The following CEP128 variants were observed in gnomAD, a reference collection of about 807,000 sequenced individuals.
CEP128 encodes centrosomal protein 128kDa.
In CEP128, 132 loss-of-function variants were observed where a neutral mutation model predicts 156.7. The observed-to-expected ratio is 0.84, with a 90% confidence interval of 0.73 to 0.97. The LOEUF is 0.97. Among genes scored for constraint, CEP128 ranks in the 50% least tolerant of loss-of-function variants. CEP128 has a pLI of 0.00. For synonymous variants in CEP128, 469 were observed against 448.9 expected, an observed-to-expected ratio of 1.04 and a Z score of -0.57; for missense variants, 1,252 against 1,281.9, an observed-to-expected ratio of 0.98 and a Z score of 0.36.
chr14:80,638,365 T>C (rs1894275090), intron 19 of CEP128, among the ~76,000 whole-genome samples: 1 of 152,212 alleles, frequency 6.6e-6, no homozygotes, highest in Non-Finnish European at 1.5e-5. Context: ...TATATTTTTC[T>C]TATTATCCCA....
chr14:80,894,901 T>C (rs1275525406), intron 8 of CEP128, among the ~76,000 whole-genome samples: 1 of 151,590 alleles, frequency 6.6e-6, no homozygotes, highest in Non-Finnish European at 1.5e-5. Flanking sequence ...AATTAACAAC[T>C]GGAGAAAAAT....
intron 2 of CEP128, among the ~76,000 whole-genome samples, chr14:80,924,067 A>G (rs1333445229): frequency 1.3e-5 from 2 of 152,204 alleles, no homozygotes; most frequent in African/African-American, 2.4e-5. Context: ...CGGAACTGTG[A>G]GTCAATTAAA....
At chr14:80,853,820 A>C (rs1365010880) in intron 9 of CEP128, among the ~76,000 whole-genome samples, 1 of 152,056 alleles carries the variant, frequency 6.6e-6, no homozygotes, top group Non-Finnish European at 1.5e-5. Flanking sequence ...GGCAAAGCAT[A>C]TAGAGGTCAG....
At chr14:80,565,440 A>G (rs1890872971) in intron 20 of CEP128, among the ~76,000 whole-genome samples, 4 of 152,256 alleles carry the variant, frequency 2.6e-5, no homozygotes, top group South Asian at 4.1e-4. Flanking sequence ...GGGGAGACTG[A>G]TTTGAGTAAT....
chr14:80,862,653 T>C (rs1388034751), intron 9 of CEP128, 104 bp downstream of exon 9: 3 of 771,178 alleles, frequency 3.9e-6, no homozygotes, highest in Non-Finnish European at 6.7e-6. Flanking sequence ...TTAATACTTC[T>C]CAGATGGGTT....
intron 14 of CEP128, among the ~76,000 whole-genome samples, chr14:80,483,645 A>G (rs568804348): frequency 3.3e-5 from 5 of 152,340 alleles, no homozygotes; most frequent in Admixed American, 3.3e-4. Context: ...GTAAGGAAAG[A>G]TGGTTGAGAG....
chr14:80,856,909 G>A (rs1376423493), intron 9 of CEP128, among the ~76,000 whole-genome samples: 2 of 150,476 alleles, frequency 1.3e-5, no homozygotes, highest in Non-Finnish European at 3.0e-5. Context: ...TGTTGCTGTT[G>A]TTTGTTTTTT....
At chr14:80,550,475 C>A in intron 21 of CEP128, among the ~76,000 whole-genome samples, 1 of 152,114 alleles carries the variant, frequency 6.6e-6, no homozygotes, top group Middle Eastern at 3.5e-3. Context: ...ATAAACTTAT[C>A]CAGTAAACTT....
intron 2 of CEP128, among the ~76,000 whole-genome samples, chr14:80,926,177 A>G (rs924053453): frequency 7.9e-5 from 12 of 152,172 alleles, no homozygotes; most frequent in African/African-American, 2.4e-4. Flanking sequence ...CCACAGGCAC[A>G]GGACCTGGGT....
At chr14:80,681,204 G>C (rs1896311134) in intron 19 of CEP128, among the ~76,000 whole-genome samples, 1 of 151,838 alleles carries the variant, frequency 6.6e-6, no homozygotes, top group Admixed American at 6.6e-5. Context: ...AAGGGAAAAG[G>C]TAAAAAGAAA....
intron 23 of CEP128, among the ~76,000 whole-genome samples, chr14:80,525,725 C>T (rs1383646433): frequency 6.6e-6 from 1 of 152,088 alleles, no homozygotes; most frequent in Non-Finnish European, 1.5e-5. Context: ...GCTCTCTTCA[C>T]AGTAAGGGTA....
chr14:80,897,827 G>A (rs147801651), intron 7 of CEP128, among the ~76,000 whole-genome samples: 4 of 152,256 alleles, frequency 2.6e-5, no homozygotes, highest in Admixed American at 2.6e-4. Context: ...TACCCAGGCA[G>A]GAGTGCAGTG....
chr14:80,894,647 T>A (rs1336311627), intron 8 of CEP128: 4 of 457,636 alleles, frequency 8.7e-6, no homozygotes, highest in Non-Finnish European at 1.7e-5. Context: ...AGGCATTGTA[T>A]CTTCACCTTT....
intron 20 of CEP128, among the ~76,000 whole-genome samples, chr14:80,566,696 T>C (rs546944742): frequency 3.3e-5 from 5 of 152,336 alleles, no homozygotes; most frequent in South Asian, 2.1e-4. Flanking sequence ...ATGGGTGGCA[T>C]TGGAGCAGCT....
At chr14:80,478,046 A>C (rs1347941967) in exon 15 of CEP128, 2 of 152,164 alleles carry the variant, frequency 1.3e-5, no homozygotes, top group African/African-American at 2.4e-5. Context: ...CTTCAGCTTC[A>C]TCTGACACCC....
At chr14:80,941,144 G>A (rs1886131253) in intron 1 of CEP128, among the ~76,000 whole-genome samples, 1 of 152,220 alleles carries the variant, frequency 6.6e-6, no homozygotes, top group Non-Finnish European at 1.5e-5. Context: ...AAGCGTTCCC[G>A]AGAGTAGCAC....
intron 13 of CEP128, among the ~76,000 whole-genome samples, chr14:80,817,868 G>GA (rs78580172): frequency 8.2e-4 from 97 of 118,308 alleles, no homozygotes; most frequent in East Asian, 1.5e-3. Flanking sequence ...TGACAGAGAA[G>GA]AAAAAAAAAA....
At chr14:80,947,116 C>A (rs1886364236) in intron 2 of CEP128, among the ~76,000 whole-genome samples, 1 of 152,152 alleles carries the variant, frequency 6.6e-6, no homozygotes, top group African/African-American at 2.4e-5. Flanking sequence ...GTCAATTAAA[C>A]CTCTTTTCTT....
intron 19 of CEP128, among the ~76,000 whole-genome samples, chr14:80,678,430 C>T (rs1264264006): frequency 6.6e-6 from 1 of 151,838 alleles, no homozygotes; most frequent in African/African-American, 2.4e-5. Context: ...GGTTTTCTCC[C>T]CCCACAAAAT....
Sources: allele counts gnomAD v4.1 joint callset (sites outside exome capture counted in the v4.1 genomes callset), GRCh38; gene constraint gnomAD v4.1.1; transcripts MANE v1.5; gene names NCBI Gene and HGNC (gene_info 2026-07-23, HGNC 2026-07-21).